The following BEND6 variants were observed in gnomAD, a reference collection of about 807,000 sequenced individuals.
BEND6 encodes BEN domain containing 6.
A neutral mutation model predicts 31.8 loss-of-function variants in BEND6; 24 were observed. That is an observed-to-expected ratio of 0.75 (90% CI 0.55 to 1.06). The LOEUF is 1.06. Among genes scored for constraint, BEND6 ranks in the 50% least tolerant of loss-of-function variants. The probability of loss-of-function intolerance (pLI) is 0.00; values close to 1 mark genes in which losing one functional copy is unlikely to be tolerated. For missense variants in BEND6, 294 were observed against 327.4 expected, an observed-to-expected ratio of 0.90 and a Z score of 0.79; for synonymous variants, 109 against 114.6, an observed-to-expected ratio of 0.95 and a Z score of 0.31.
At chr6:56,974,037 G>A (rs1384162576) in intron 1 of BEND6, among the ~76,000 whole-genome samples, 2 of 152,246 alleles carry the variant, frequency 1.3e-5, no homozygotes, top group African/African-American at 4.8e-5. Context: ...ACAGGCATAA[G>A]CCATTGCACC....
chr6:56,959,082 C>T (rs1458410862), intron 1 of BEND6, among the ~76,000 whole-genome samples: 1 of 152,092 alleles, frequency 6.6e-6, no homozygotes, highest in African/African-American at 2.4e-5. Flanking sequence ...GAGATGGAGC[C>T]AGAAGAGGGA....
chr6:56,984,249 G>GA lies in BEND6; in HGVS notation c.120+2328dup, dbSNP rs377421277. ...AACAAAAAAAAAAGCAAAGAAAAAA[G>GA]AAAAAAAAACTGTGTGACAATTTAT... On this transcript the variant is annotated intron_variant, in intron 2 of 6. Transcript: ENST00000370746. Among the ~76,000 whole-genome samples the GA allele has an allele frequency of 2.0e-5, 3 of 149,662 alleles. No homozygotes were observed. In the South Asian group the frequency reaches 6.4e-4, roughly 32 times the overall value.
At chr6:57,014,855 T>A (rs1437034487) in intron 3 of BEND6, among the ~76,000 whole-genome samples, 2 of 152,220 alleles carry the variant, frequency 1.3e-5, no homozygotes, top group Non-Finnish European at 2.9e-5. Context: ...GAATCAACTT[T>A]TAAAACATTC....
intron 3 of BEND6, among the ~76,000 whole-genome samples, chr6:57,007,387 A>G (rs1827196306): frequency 6.6e-6 from 1 of 151,438 alleles, no homozygotes; most frequent in Admixed American, 6.6e-5. Context: ...TCAATTTGAA[A>G]TGAATCAAAG....
chr6:56,960,947 G>T (rs1338557470), intron 1 of BEND6, among the ~76,000 whole-genome samples: 1 of 152,166 alleles, frequency 6.6e-6, no homozygotes, highest in Non-Finnish European at 1.5e-5. Flanking sequence ...TTTCAAAGAA[G>T]AAAGCCATTA....
intron 1 of BEND6, among the ~76,000 whole-genome samples, chr6:56,980,956 A>C (rs1826043692): frequency 6.6e-6 from 1 of 152,174 alleles, no homozygotes; most frequent in Non-Finnish European, 1.5e-5. Flanking sequence ...TCATCATTTA[A>C]CATCACTCAC....
At chr6:56,976,043 G>T in intron 1 of BEND6, 1 of 436,724 alleles carries the variant, frequency 2.3e-6, no homozygotes, top group South Asian at 2.1e-5. Flanking sequence ...CTAAGAACAG[G>T]ACACGATACA....
chr6:56,998,839 C>T (rs966351610), intron 3 of BEND6, among the ~76,000 whole-genome samples: 118 of 151,774 alleles, frequency 7.8e-4, no homozygotes, highest in Admixed American at 6.6e-4. Context: ...AAACAATCAA[C>T]AGAGTGAAGA....
chr6:57,026,221 G>A lies in BEND6; in HGVS notation c.*149G>A, dbSNP rs567183506. 6.6e-6 allele frequency: 1 copy of A among 152,294 alleles called. No homozygotes were observed. The highest frequency in any genetic ancestry group is 2.1e-4 in the South Asian group (1 of 4,828). The allele number at this position is 152,294 out of a possible 1,614,324, so 9.4% of individuals were successfully genotyped here. On this transcript the variant is annotated 3_prime_UTR_variant, in exon 7 of 7. Transcript: ENST00000370746. ...TGTAAGACATATGTAACATTGCTGA[G>A]CTCTCCTAAGGGACCAACAAGCTTG... is the stretch of plus-strand genomic sequence containing the variant.
At chr6:56,964,407 T>C (rs528811422) in intron 1 of BEND6, among the ~76,000 whole-genome samples, 1 of 152,336 alleles carries the variant, frequency 6.6e-6, no homozygotes, top group African/African-American at 2.4e-5. Context: ...TTCTGTGTCC[T>C]GCTGACTGTT....
At chr6:56,988,991 A>G (rs1826391284) in intron 2 of BEND6, among the ~76,000 whole-genome samples, 2 of 152,170 alleles carry the variant, frequency 1.3e-5, no homozygotes, top group African/African-American at 4.8e-5. Flanking sequence ...AGATCGTGCC[A>G]CTGCACTCCA....
At chr6:57,024,280 G>A (rs935517792) in intron 6 of BEND6, among the ~76,000 whole-genome samples, 10 of 152,150 alleles carry the variant, frequency 6.6e-5, no homozygotes, top group African/African-American at 2.4e-4. Flanking sequence ...TTTTAGGTTT[G>A]TTTGTATACT....
At chr6:56,966,221 C>T (rs1332041526) in intron 1 of BEND6, among the ~76,000 whole-genome samples, 1 of 152,144 alleles carries the variant, frequency 6.6e-6, no homozygotes, top group Non-Finnish European at 1.5e-5. Context: ...CCTGCCTCAG[C>T]CTCCAGAGTA....
rs572886103 is a variant in BEND6 at position 56,993,939 on chromosome 6, A to G, written c.298+1384A>G. On this transcript the variant is annotated intron_variant, in intron 3 of 6. Coordinates refer to ENST00000370746, the MANE Select transcript of BEND6 (RefSeq NM_152731.3). ...GGTTTTGAACTCCTGGCCTCAAGCC[A>G]TCCTCCTGCTTTGGCCTCCCAAAGT... 2.6e-5 allele frequency among the ~76,000 whole-genome samples: 4 copies of G among 152,278 alleles called. No individual in the cohort carries two copies. In the East Asian group the frequency reaches 7.7e-4, roughly 29 times the overall value.
intron 2 of BEND6, 77 bp downstream of exon 2, chr6:56,982,007 A>T: frequency 2.1e-6 from 3 of 1,398,516 alleles, no homozygotes; most frequent in South Asian, 2.8e-5. Context: ...ATAATTTATT[A>T]GTGCTTCTCC....
intron 1 of BEND6, among the ~76,000 whole-genome samples, chr6:56,979,382 T>G (rs149772616): frequency 4.7e-4 from 71 of 152,338 alleles, no homozygotes; most frequent in African/African-American, 1.7e-3. Flanking sequence ...ATTGTACACT[T>G]TAAATGGATG....
intron 3 of BEND6, chr6:57,010,586 G>A: frequency 1.6e-6 from 1 of 637,836 alleles, no homozygotes; most frequent in Non-Finnish European, 2.0e-6. Flanking sequence ...CAAATAATTT[G>A]GGGGATAAAG....
chr6:56,989,473 C>A (rs1025810667), intron 2 of BEND6, among the ~76,000 whole-genome samples: 4 of 152,202 alleles, frequency 2.6e-5, no homozygotes, highest in African/African-American at 9.6e-5. Flanking sequence ...ATGTATAGAC[C>A]TAGAAATCAA....
At chr6:57,006,394 G>C (rs1827158930) in intron 3 of BEND6, among the ~76,000 whole-genome samples, 4 of 152,158 alleles carry the variant, frequency 2.6e-5, no homozygotes, top group Admixed American at 1.3e-4. Context: ...TAGATGTTTT[G>C]AACAATGAGC....
Sources: allele counts gnomAD v4.1 joint callset (sites outside exome capture counted in the v4.1 genomes callset), GRCh38; gene constraint gnomAD v4.1.1; transcripts MANE v1.5; gene names NCBI Gene and HGNC (gene_info 2026-07-23, HGNC 2026-07-21).